Variants in KIF20B observed in about 807,000 individuals in gnomAD.
KIF20B encodes the protein kinesin family member 20B.
KIF20B carries 188 observed loss-of-function variants against 232.5 expected under a neutral mutation model. That is an observed-to-expected ratio of 0.81 (90% CI 0.72 to 0.91). KIF20B has a LOEUF of 0.91. Ranked by LOEUF, KIF20B falls within the 40% of genes least tolerant of loss-of-function variation. The probability of loss-of-function intolerance (pLI) is 0.00; values close to 1 mark genes in which losing one functional copy is unlikely to be tolerated. For missense variants in KIF20B, 2,154 were observed against 2,055.9 expected (o/e 1.05, Z -0.92); for synonymous variants, 712 against 683.0 (o/e 1.04, Z -0.66).
At chr10:89,760,756 T>A (rs1348671923) in intron 28 of KIF20B, 120 bp downstream of exon 28, 1 of 592,818 alleles carries the variant, frequency 1.7e-6, no homozygotes, top group Non-Finnish European at 3.0e-6. Flanking sequence ...TGCTCTGGGC[T>A]GTGTGAAAGA....
Position 89,758,832 on chromosome 10 carries a change from G to A in KIF20B, c.4630G>A (p.Asp1544Asn), listed in dbSNP as rs909023802. ...ACTGATATCCAGTAATGTACAGAAA[G>A]ATAATGAAATTGAACAACTAAAAAG... is the stretch of plus-strand genomic sequence containing the variant. ...KALISSNVQK[D>N]NEIEQLKRII... Residue 1544 changes from aspartate to asparagine, a missense_variant, in exon 27 of 33, where the codon GAT (aspartate) becomes AAT (asparagine). Asp to Asn is a conservative substitution (Grantham distance 23). Coordinates refer to ENST00000371728, the MANE Select transcript of KIF20B (RefSeq NM_001284259.2). The A allele has an allele frequency of 1.3e-6, 2 of 1,598,650 alleles. No individual in the cohort carries two copies. Among genetic ancestry groups the A allele is most frequent in the Non-Finnish European group, 8.5e-7 (1 of 1,172,920 alleles).
chr10:89,709,162 T>G lies in KIF20B; in HGVS notation c.148-5T>G, dbSNP rs928793253. On this transcript the variant is annotated splice_polypyrimidine_tract_variant and splice_region_variant and intron_variant, in intron 2 of 32. Transcript: ENST00000371728. Reference sequence around the variant, plus strand: ...ACACAATGTTTTTCTCCTTTATTTTTTAAGGCAAACAGTTTCGAATCTAAA... The same window carrying G: ...ACACAATGTTTTTCTCCTTTATTTTGTAAGGCAAACAGTTTCGAATCTAAA... 3 of 1,592,106 alleles carry G rather than the reference T, an allele frequency of 1.9e-6. No homozygotes were observed. The highest frequency in any genetic ancestry group is 1.7e-6 in the Non-Finnish European group (2 of 1,163,846).
chr10:89,765,397 A>G (rs1439566236), intron 29 of KIF20B, among the ~76,000 whole-genome samples: 1 of 152,158 alleles, frequency 6.6e-6, no homozygotes, highest in African/African-American at 2.4e-5. Context: ...GATACAAACA[A>G]ATGGAAGAAC....
At chr10:89,707,567 C>T (rs936381653) in intron 2 of KIF20B, among the ~76,000 whole-genome samples, 3 of 148,706 alleles carry the variant, frequency 2.0e-5, no homozygotes, top group East Asian at 3.9e-4. Flanking sequence ...CCCTTCTTCC[C>T]TTCCCTTTTA....
rs1020700643 is a variant in KIF20B, at chr10:89,747,708, G to A, written c.4096+1749G>A. ...CAATGAGAGCACATGGACACAGGAA[G>A]GGGAACATCACACTGTGGGGACTGT... On this transcript the variant is annotated intron_variant, in intron 23 of 32. Coordinates refer to ENST00000371728, the MANE Select transcript of KIF20B (RefSeq NM_001284259.2). Among the ~76,000 whole-genome samples the A allele has an allele frequency of 5.9e-5, 9 of 151,950 alleles. No homozygotes were observed. The East Asian group carries it at 1.8e-3, about 30-fold the overall frequency.
intron 23 of KIF20B, among the ~76,000 whole-genome samples, chr10:89,748,055 G>A (rs1279224780): frequency 2.0e-5 from 3 of 152,164 alleles, no homozygotes; most frequent in African/African-American, 7.2e-5. Context: ...TGTCATCCAG[G>A]CTGGAGTGCA....
In KIF20B at chr10:89,714,051, C is replaced by G; in HGVS notation, c.680C>G (p.Thr227Ser). Reference sequence around the variant, plus strand: ...TTAAAACAATCTTTTTTTTAGGTTACTGTGCATAATGATAGTGATGATACT... The same window carrying G: ...TTAAAACAATCTTTTTTTTAGGTTAGTGTGCATAATGATAGTGATGATACT... ...SALLRQIKEV[T>S]VHNDSDDTLY... Residue 227 changes from threonine to serine, a missense_variant, in exon 7 of 33, where the codon ACT (threonine) becomes AGT (serine). Thr to Ser is a moderately conservative substitution (Grantham distance 58). Transcript: ENST00000371728. 1.4e-6 allele frequency: 2 copies of G among 1,416,432 alleles called. No individual in the cohort carries two copies. The highest frequency in any genetic ancestry group is 1.9e-6 in the Non-Finnish European group (2 of 1,052,034). The allele number at this position is 1,416,432 out of a possible 1,614,324, so 87.7% of individuals were successfully genotyped here.
intron 22 of KIF20B, 88 bp from the exon 23 acceptor site, chr10:89,745,811 T>G: frequency 1.2e-6 from 1 of 844,848 alleles, no homozygotes; most frequent in Non-Finnish European, 2.0e-6. Context: ...ATTTCAAACT[T>G]AATATTGAGC....
At chr10:89,719,213 G>C (rs923133499) in intron 12 of KIF20B, among the ~76,000 whole-genome samples, 1 of 152,160 alleles carries the variant, frequency 6.6e-6, no homozygotes, top group African/African-American at 2.4e-5. Flanking sequence ...CAGGAAGATA[G>C]ATTTTTCCTC....
In KIF20B at chr10:89,714,942, C is replaced by CTT. The variant is rs57304303; in HGVS notation, c.713-6_713-5dup. 6.3e-5 allele frequency: 90 copies of CTT among 1,427,062 alleles called. No homozygotes were observed. The highest frequency in any genetic ancestry group is 4.4e-4 in the Admixed American group (20 of 45,208). The allele number at this position is 1,427,062 out of a possible 1,614,324, so 88.4% of individuals were successfully genotyped here. A position where few individuals can be genotyped will look rare whatever the true frequency, so the allele number is the denominator to read the frequency against. ...ACTTTCGTGATTGTTTTTTCTTTTTCTTTTTTTTGTAGGAAGTTTAACTAA... is the reference window on the plus strand; with the variant it reads ...ACTTTCGTGATTGTTTTTTCTTTTTCTTTTTTTTTTGTAGGAAGTTTAACTAA... On this transcript the variant is annotated splice_polypyrimidine_tract_variant and intron_variant, in intron 7 of 32. Transcript: ENST00000371728.
Position 89,745,938 on chromosome 10 carries a change from C to T in KIF20B, c.4075C>T (p.Gln1359Ter). The stretch of plus-strand genomic sequence containing the variant: ...TCAGAAAGTGGAAGAAGCTATACAA[C>T]AGTATGAGAGAGCATGCAAAGGTCA... ...NNQKVEEAIQQYERACKDLNV... is the reference protein window; with the variant it reads ...NNQKVEEAIQ Residue 1359 changes from glutamine to a stop codon, truncating the protein, a stop_gained, in exon 23 of 33, where the codon CAG (glutamine) becomes TAG (stop). Transcript: ENST00000371728. LOFTEE classifies it high-confidence loss of function. The T allele has an allele frequency of 6.2e-7, 1 of 1,610,986 alleles. No homozygotes were observed. The highest frequency in any genetic ancestry group is 8.5e-7 in the Non-Finnish European group (1 of 1,177,178).
In KIF20B at chr10:89,772,676, T is replaced by C; in HGVS notation, c.5243-13T>C. On this transcript the variant is annotated splice_polypyrimidine_tract_variant and intron_variant, in intron 31 of 32. Transcript: ENST00000371728. ...AATTATTTCAGGAACTAATTAACAA[T>C]TTTATTTTATAGCAAAGAAGATAAT... is the stretch of plus-strand genomic sequence containing the variant. 1 of 1,516,596 alleles carries C rather than the reference T, an allele frequency of 6.6e-7. No individual in the cohort carries two copies. The highest frequency in any genetic ancestry group is 9.0e-7 in the Non-Finnish European group (1 of 1,116,396). The allele number at this position is 1,516,596 out of a possible 1,614,324, so 93.9% of individuals were successfully genotyped here. A position where few individuals can be genotyped will look rare whatever the true frequency, so the allele number is the denominator to read the frequency against.
chr10:89,734,615 G>GTA (rs1248951330), intron 19 of KIF20B, among the ~76,000 whole-genome samples: 1 of 152,146 alleles, frequency 6.6e-6, no homozygotes, highest in African/African-American at 2.4e-5. Flanking sequence ...ATATGGCATG[G>GTA]CAGATTTCAA....
chr10:89,730,586 A>G (rs1589863048), intron 18 of KIF20B, among the ~76,000 whole-genome samples: 1 of 152,298 alleles, frequency 6.6e-6, no homozygotes, highest in Non-Finnish European at 1.5e-5. Context: ...GGTAGTCAGG[A>G]GAGACAAGAA....
At chr10:89,705,583 G>A in intron 2 of KIF20B, 142 bp downstream of exon 2, 4 of 644,982 alleles carry the variant, frequency 6.2e-6, no homozygotes, top group South Asian at 2.7e-5. Context: ...AATAGTGGAA[G>A]AAAAATCAAA....
At chr10:89,735,976 TAGTG>T (rs1298069409) in intron 19 of KIF20B, among the ~76,000 whole-genome samples, 2 of 152,224 alleles carry the variant, frequency 1.3e-5, no homozygotes, top group African/African-American at 2.4e-5. Context: ...GATTCTTACA[TAGTG>T]AGGATATCAC....
chr10:89,768,430 C>A, intron 30 of KIF20B, 39 bp downstream of exon 30: 1 of 1,184,324 alleles, frequency 8.4e-7, no homozygotes, highest in Non-Finnish European at 1.2e-6. Context: ...AGCAATTATC[C>A]AGAAATCCAG....
At position 89,715,853 on chromosome 10, in the gene KIF20B, T is replaced by A. The variant is rs114692165; in HGVS notation, c.941-583T>A. Among the ~76,000 whole-genome samples, 1,289 of 151,564 alleles carry A rather than the reference T, an allele frequency of 8.5e-3. 19 individuals are homozygous for A. Among genetic ancestry groups the A allele is most frequent in the African/African-American group, 0.03 (1,223 of 41,396 alleles). Reference sequence around the variant, plus strand: ...AAAAAATACAAAAATTAGCCTGGCATGATCGTATGCATCTGTAGTCCCAGC... The same window carrying A: ...AAAAAATACAAAAATTAGCCTGGCAAGATCGTATGCATCTGTAGTCCCAGC... On this transcript the variant is annotated intron_variant, in intron 8 of 32. Coordinates refer to ENST00000371728, the MANE Select transcript of KIF20B (RefSeq NM_001284259.2).
chr10:89,726,272 T>A, intron 15 of KIF20B, 21 bp from the exon 16 acceptor site: 1 of 1,538,540 alleles, frequency 6.5e-7, no homozygotes, highest in Non-Finnish European at 8.8e-7. Context: ...ATATTAGGCA[T>A]GTGGTTTTTG....
Sources: allele counts gnomAD v4.1 joint callset (sites outside exome capture counted in the v4.1 genomes callset), GRCh38; gene constraint gnomAD v4.1.1; transcripts MANE v1.5; gene names NCBI Gene and HGNC (gene_info 2026-07-23, HGNC 2026-07-21).